MGAT4C: variants seen among roughly 807,000 people sequenced by gnomAD.
MGAT4C encodes the protein alpha-1,3-mannosyl-glycoprotein 4-beta-N-acetylglucosaminyltransferase C.
MGAT4C carries 19 observed loss-of-function variants against 40.1 expected under a neutral mutation model. That is an observed-to-expected ratio of 0.47 (90% CI 0.33 to 0.70). MGAT4C has a LOEUF of 0.70. MGAT4C is among the 30% of genes least tolerant of loss of function. The pLI, the probability that MGAT4C is intolerant of heterozygous loss-of-function variation, is 0.02. For synonymous variants in MGAT4C, 181 were observed against 187.1 expected, an observed-to-expected ratio of 0.97 and a Z score of 0.27; for missense variants, 491 against 563.2, an observed-to-expected ratio of 0.87 and a Z score of 1.30.
At chr12:86,693,662 CAATT>C (rs1187549354) in intron 2 of MGAT4C, among the ~76,000 whole-genome samples, 19 of 152,074 alleles carry the variant, frequency 1.2e-4, no homozygotes, top group African/African-American at 3.4e-4. Context: ...GAAAATGTAA[CAATT>C]AAGATTAAAG....
rs1429481879 is a variant in MGAT4C, at chr12:86,337,144, A to AGAAACCAATCTATGATACTGACAGTGAAG, written c.-119-3046_-119-3018dup. On this transcript the variant is annotated intron_variant, in intron 3 of 7. Transcript: ENST00000548651. ...ATGATGATGATGTGGTGATGATGAT[A>AGAAACCAATCTATGATACTGACAGTGAAG]GAAACCAATCTATGATACTGACAGT... Among the ~76,000 whole-genome samples the AGAAACCAATCTATGATACTGACAGTGAAG allele has an allele frequency of 6.4e-4, 98 of 152,196 alleles. 1 individual carries two copies. Among genetic ancestry groups the AGAAACCAATCTATGATACTGACAGTGAAG allele is most frequent in the African/African-American group, 2.1e-3 (85 of 41,444 alleles).
chr12:86,499,196 G>A (rs528037182), intron 2 of MGAT4C, among the ~76,000 whole-genome samples: 2 of 151,864 alleles, frequency 1.3e-5, no homozygotes, highest in South Asian at 4.2e-4. Flanking sequence ...GTGTTACGGT[G>A]GGGTTAAAAG....
At chr12:86,641,498 A>T (rs930426285) in intron 2 of MGAT4C, among the ~76,000 whole-genome samples, 2 of 151,762 alleles carry the variant, frequency 1.3e-5, no homozygotes, top group Non-Finnish European at 1.5e-5. Flanking sequence ...GTGCACATGT[A>T]CCCTAAAACT....
intron 2 of MGAT4C, among the ~76,000 whole-genome samples, chr12:86,558,497 C>T (rs1472642601): frequency 6.6e-6 from 1 of 151,952 alleles, no homozygotes; most frequent in Admixed American, 6.6e-5. Context: ...AAAACACAAA[C>T]AAACAAAACT....
intron 1 of MGAT4C, among the ~76,000 whole-genome samples, chr12:86,755,375 A>C (rs1951285071): frequency 6.6e-6 from 1 of 152,138 alleles, no homozygotes; most frequent in East Asian, 1.9e-4. Context: ...TATTACACTG[A>C]TTATGGTTTT....
intron 1 of MGAT4C, among the ~76,000 whole-genome samples, chr12:86,785,568 T>C (rs1951916958): frequency 6.6e-6 from 1 of 151,874 alleles, no homozygotes; most frequent in Non-Finnish European, 1.5e-5. Context: ...TTAAAACCTT[T>C]TTTATGTTTT....
At chr12:86,260,317 C>G (rs777237977), upstream of MGAT4C, among the ~76,000 whole-genome samples, 7 of 152,090 alleles carry the variant, frequency 4.6e-5, no homozygotes, top group Non-Finnish European at 1.0e-4. Flanking sequence ...ACATCTGTCC[C>G]TTAAAGTACT....
chr12:86,542,225 T>C lies in MGAT4C; in HGVS notation c.-228-106960A>G, dbSNP rs551460164. ...TTGTGATTCTAAGACATGCTAAAGA[T>C]TGAGGAACAATTAGAATGTAGAAGA... On this transcript the variant is annotated intron_variant, in intron 2 of 7. Transcript: ENST00000548651. Among the ~76,000 whole-genome samples the C allele has an allele frequency of 3.3e-5, 5 of 152,266 alleles. No homozygotes were observed. The South Asian group carries it at 1.0e-3, about 32-fold the overall frequency.
intron 2 of MGAT4C, among the ~76,000 whole-genome samples, chr12:86,656,008 G>C (rs1963840188): frequency 6.6e-6 from 1 of 151,998 alleles, no homozygotes; most frequent in African/African-American, 2.4e-5. Flanking sequence ...TACTTTGCCT[G>C]ATAAGTTTAT....
At chr12:86,504,554 G>T (rs1251760419) in intron 2 of MGAT4C, among the ~76,000 whole-genome samples, 1 of 152,098 alleles carries the variant, frequency 6.6e-6, no homozygotes, top group South Asian at 2.1e-4. Flanking sequence ...ACCTTTAAAT[G>T]AAACTCCAAG....
chr12:86,367,890 G>A (rs1431398556), intron 3 of MGAT4C, among the ~76,000 whole-genome samples: 4 of 152,068 alleles, frequency 2.6e-5, no homozygotes, highest in African/African-American at 4.8e-5. Flanking sequence ...AGTGGGCTCC[G>A]ACCTAACATG....
At chr12:86,519,747 A>T (rs1425800859) in intron 2 of MGAT4C, among the ~76,000 whole-genome samples, 1 of 152,126 alleles carries the variant, frequency 6.6e-6, no homozygotes, top group Non-Finnish European at 1.5e-5. Context: ...TTTTTAAATC[A>T]GACTATCTGC....
intron 2 of MGAT4C, among the ~76,000 whole-genome samples, chr12:86,498,197 G>A (rs1958276782): frequency 6.6e-6 from 1 of 150,548 alleles, no homozygotes; most frequent in Non-Finnish European, 1.5e-5. Flanking sequence ...TATTCTATTT[G>A]AGACTTATTT....
chr12:86,498,398 G>A (rs1466278745), intron 2 of MGAT4C, among the ~76,000 whole-genome samples: 2 of 151,654 alleles, frequency 1.3e-5, no homozygotes, highest in East Asian at 3.9e-4. Flanking sequence ...GGTGAACTGT[G>A]TAGCCTACAA....
intron 2 of MGAT4C, among the ~76,000 whole-genome samples, chr12:86,466,237 G>A (rs1019899954): frequency 1.3e-5 from 2 of 151,584 alleles, no homozygotes; most frequent in African/African-American, 4.9e-5. Context: ...AAACCCAAAT[G>A]TGGATTTTTA....
At chr12:86,332,644 G>GT (rs10651122) in intron 4 of MGAT4C, among the ~76,000 whole-genome samples, 55 of 150,844 alleles carry the variant, frequency 3.6e-4, no homozygotes, top group Admixed American at 8.6e-4. Context: ...CTTTTTAAAG[G>GT]TTTTTTTTTG....
intron 1 of MGAT4C, among the ~76,000 whole-genome samples, chr12:86,121,449 T>C (rs892290173): frequency 6.6e-6 from 1 of 152,056 alleles, no homozygotes; most frequent in Non-Finnish European, 1.5e-5. Context: ...AATTGTCAGA[T>C]TCACCAAAGT....
chr12:86,301,766 T>C (rs1160696965), intron 4 of MGAT4C, among the ~76,000 whole-genome samples: 2 of 152,234 alleles, frequency 1.3e-5, no homozygotes, highest in Non-Finnish European at 2.9e-5. Flanking sequence ...CTTCACATAT[T>C]AAAATATTTT....
intron 2 of MGAT4C, among the ~76,000 whole-genome samples, chr12:86,585,705 C>T (rs1171331701): frequency 2.0e-5 from 3 of 149,928 alleles, no homozygotes; most frequent in Non-Finnish European, 4.5e-5. Context: ...CCATACTTTC[C>T]CAAATAGGCT....
Sources: allele counts gnomAD v4.1 joint callset (sites outside exome capture counted in the v4.1 genomes callset), GRCh38; gene constraint gnomAD v4.1.1; transcripts MANE v1.5; gene names NCBI Gene and HGNC (gene_info 2026-07-23, HGNC 2026-07-21).